The following TMEFF1 variants were observed in gnomAD, a reference collection of about 807,000 sequenced individuals.
TMEFF1 encodes the protein transmembrane protein with EGF like and two follistatin like domains 1.
In TMEFF1, 20 loss-of-function variants were observed where a neutral mutation model predicts 47.5. The ratio of observed to expected loss-of-function variants is 0.42; its 90% confidence interval spans 0.30 to 0.61. The LOEUF (loss-of-function observed/expected upper bound fraction) is 0.61. Among genes scored for constraint, TMEFF1 ranks in the 20% least tolerant of loss-of-function variants. The pLI is 0.19. For missense variants in TMEFF1, 411 were observed against 471.1 expected (o/e 0.87, Z 1.18); for synonymous variants, 162 against 166.3 (o/e 0.97, Z 0.20).
At chr9:100,516,592 G>A (rs556870388) in intron 4 of TMEFF1, 83 bp from the exon 5 acceptor site, 3 of 1,521,282 alleles carry the variant, frequency 2.0e-6, no homozygotes, top group African/African-American at 1.4e-5. Context: ...CTCAGAAACA[G>A]GATAATGACT....
At chr9:100,508,399 C>T (rs72735152) in intron 2 of TMEFF1, among the ~76,000 whole-genome samples, 2,490 of 152,092 alleles carry the variant, frequency 0.016, 34 homozygotes, top group Non-Finnish European at 0.024. Flanking sequence ...ATTCCACTTT[C>T]TCTGAGGATG....
intron 5 of TMEFF1, among the ~76,000 whole-genome samples, chr9:100,533,821 C>T (rs1257418757): frequency 1.4e-4 from 22 of 152,034 alleles, no homozygotes; most frequent in Admixed American, 1.3e-3. Context: ...TGGGTTGAAG[C>T]GATTCTCCTG....
At position 100,515,740 on chromosome 9, in the gene TMEFF1, G is replaced by A. The variant is rs972884528; in HGVS notation, c.464-935G>A. 3.9e-5 allele frequency among the ~76,000 whole-genome samples: 6 copies of A among 151,932 alleles called. 1 individual carries two copies. Among genetic ancestry groups the A allele is most frequent in the Admixed American group, 3.9e-4 (6 of 15,266 alleles). ...GGCAGAGGTTCAAGTGATTCTCCAG[G>A]CTGAGATTCATCCAGGCTGAGATTG... On this transcript the variant is annotated intron_variant, in intron 4 of 9. Coordinates refer to ENST00000374879, the MANE Select transcript of TMEFF1 (RefSeq NM_003692.5).
intron 1 of TMEFF1, among the ~76,000 whole-genome samples, chr9:100,497,812 G>T (rs1837684654): frequency 6.6e-6 from 1 of 152,088 alleles, no homozygotes; most frequent in African/African-American, 2.4e-5. Flanking sequence ...AGGAGTCCTT[G>T]CTCTTTTCCC....
chr9:100,572,665 G>A lies in TMEFF1; in HGVS notation c.1047G>A (p.Met349Ile). 1 of 1,608,202 alleles carries A rather than the reference G, an allele frequency of 6.2e-7. No individual in the cohort carries two copies. Among genetic ancestry groups the A allele is most frequent in the Non-Finnish European group, 8.5e-7 (1 of 1,178,096 alleles). The change falls in exon 9 of 10, where the codon ATG becomes ATA. Residue 349 changes from methionine (M) to isoleucine (I), a missense_variant. By Grantham distance (10) the Met-to-Ile change is conservative. Transcript: ENST00000374879. ...VQIAIIVAIV[M>I]CITRKCPKNN... ...TTGCCATCATAGTAGCAATTGTAAT[G>A]TGCATAACAAGGTAGGTAATGATGT...
intron 1 of TMEFF1, among the ~76,000 whole-genome samples, chr9:100,488,766 C>T (rs72735138): frequency 5.9e-5 from 9 of 152,122 alleles, no homozygotes; most frequent in Non-Finnish European, 1.2e-4. Flanking sequence ...GTGGTAGAGC[C>T]GGGATGCTGG....
Position 100,473,604 on chromosome 9 carries a change from C to G in TMEFF1, c.60C>G (p.Phe20Leu). The change falls in exon 1 of 10, where the codon TTC becomes TTG. Residue 20 changes from phenylalanine to leucine, a missense_variant. By Grantham distance (22) the Phe-to-Leu change is conservative. Coordinates refer to ENST00000374879, the MANE Select transcript of TMEFF1 (RefSeq NM_003692.5). The surrounding 1 kb of genome is among the most constrained non-coding windows in gnomAD (Gnocchi z 5.4). ...LRLPAAPPLA[F>L]CCYTSVLLLF... Reference sequence around the variant, plus strand: ...TGCCTGCCGCGCCTCCGCTCGCCTTCTGCTGCTACACGTCGGTGCTTCTGC... The same window carrying G: ...TGCCTGCCGCGCCTCCGCTCGCCTTGTGCTGCTACACGTCGGTGCTTCTGC... 5 of 1,557,826 alleles carry G rather than the reference C, an allele frequency of 3.2e-6. No individual in the cohort carries two copies. Among genetic ancestry groups the G allele is most frequent in the South Asian group, 2.4e-5 (2 of 83,636 alleles).
At chr9:100,502,803 C>T (rs1837790857) in intron 2 of TMEFF1, among the ~76,000 whole-genome samples, 1 of 152,080 alleles carries the variant, frequency 6.6e-6, no homozygotes, top group Non-Finnish European at 1.5e-5. Flanking sequence ...GCATTTTTAC[C>T]TTGTGGCAAA....
At chr9:100,566,357 C>T (rs1839125063) in intron 8 of TMEFF1, among the ~76,000 whole-genome samples, 1 of 152,178 alleles carries the variant, frequency 6.6e-6, no homozygotes, top group Admixed American at 6.5e-5. Flanking sequence ...TCCACATGGA[C>T]GTCTGACACC....
intron 5 of TMEFF1, among the ~76,000 whole-genome samples, chr9:100,524,748 A>T (rs1265834420): frequency 2.0e-5 from 3 of 151,470 alleles, no homozygotes; most frequent in Admixed American, 2.0e-4. Context: ...ATCTTCATTT[A>T]TTTTTTTTTA....
chr9:100,527,268 C>G (rs1221517088), intron 5 of TMEFF1, among the ~76,000 whole-genome samples: 1 of 152,198 alleles, frequency 6.6e-6, no homozygotes, highest in Non-Finnish European at 1.5e-5. Context: ...CAGCTCCGGT[C>G]TACAGCTCCC....
chr9:100,565,196 C>T (rs905712505), intron 8 of TMEFF1, among the ~76,000 whole-genome samples: 19 of 152,092 alleles, frequency 1.2e-4, no homozygotes, highest in Admixed American at 1.2e-3. Context: ...CCCTCTCTAG[C>T]ATATCCATTT....
chr9:100,558,707 A>G (rs1287131602), intron 7 of TMEFF1, among the ~76,000 whole-genome samples: 3 of 151,914 alleles, frequency 2.0e-5, no homozygotes, highest in African/African-American at 7.2e-5. Flanking sequence ...ACAATTTATA[A>G]CTGTTTTTTC....
Position 100,473,422 on chromosome 9 carries a change from T to G in TMEFF1, c.-123T>G. The G allele has an allele frequency of 1.4e-6, 1 of 710,538 alleles. No homozygotes were observed. The highest frequency in any genetic ancestry group is 1.9e-6 in the Non-Finnish European group (1 of 521,560). The allele number at this position is 710,538 out of a possible 1,614,324, so 44.0% of individuals were successfully genotyped here. A position where few individuals can be genotyped will look rare whatever the true frequency, so the allele number is the denominator to read the frequency against. On this transcript the variant is annotated 5_prime_UTR_variant, in exon 1 of 10. Transcript: ENST00000374879. This position sits in a 1 kb window ranked among gnomAD's most constrained non-coding sequence, Gnocchi z 5.4. ...GGGTGGGGCGGGGATGCTGACGGGC[T>G]GCTCCCCGGCTCAGCGGCGCGGCTG...
At chr9:100,494,409 T>A (rs1447545504) in intron 1 of TMEFF1, among the ~76,000 whole-genome samples, 1 of 152,180 alleles carries the variant, frequency 6.6e-6, no homozygotes, top group Non-Finnish European at 1.5e-5. Context: ...CAGTGGTGGC[T>A]TATATGATAA....
At chr9:100,521,518 A>G (rs1334504131) in intron 5 of TMEFF1, among the ~76,000 whole-genome samples, 1 of 152,148 alleles carries the variant, frequency 6.6e-6, no homozygotes, top group Admixed American at 6.5e-5. Flanking sequence ...AGCAACTTGT[A>G]TTTCTTAAAC....
At chr9:100,543,509 G>C (rs977547052) in intron 5 of TMEFF1, among the ~76,000 whole-genome samples, 2 of 151,838 alleles carry the variant, frequency 1.3e-5, no homozygotes, top group Non-Finnish European at 2.9e-5. Context: ...ATTTTTCTCA[G>C]AATTGTATCT....
At chr9:100,514,981 C>T (rs534902835) in intron 4 of TMEFF1, among the ~76,000 whole-genome samples, 2 of 151,746 alleles carry the variant, frequency 1.3e-5, no homozygotes, top group South Asian at 2.1e-4. Context: ...GGGGACAGAG[C>T]GAGACTCCTT....
At chr9:100,573,902 T>C (rs1462238750) in intron 9 of TMEFF1, among the ~76,000 whole-genome samples, 1 of 152,266 alleles carries the variant, frequency 6.6e-6, no homozygotes, top group African/African-American at 2.4e-5. Context: ...AGTAGGGACA[T>C]AATCATGTAA....
Sources: allele counts gnomAD v4.1 joint callset (sites outside exome capture counted in the v4.1 genomes callset), GRCh38; gene constraint gnomAD v4.1.1; non-coding constraint Gnocchi (gnomAD v3.1); transcripts MANE v1.5; gene names NCBI Gene and HGNC (gene_info 2026-07-23, HGNC 2026-07-21).